PCSK6: variants seen among roughly 807,000 people sequenced by gnomAD.
The protein encoded by PCSK6 is paired basic amino acid cleaving enzyme 4.
Under a neutral mutation model 123.3 loss-of-function variants are expected in PCSK6, and 85 were observed. The observed-to-expected ratio is 0.69, with a 90% CI of 0.58 to 0.83. The LOEUF (loss-of-function observed/expected upper bound fraction) is 0.83. PCSK6 is among the 40% of genes least tolerant of loss of function. PCSK6 has a pLI of 0.00. For synonymous variants in PCSK6, 508 were observed against 516.0 expected (o/e 0.98, Z 0.21); for missense variants, 1,191 against 1,282.3 (o/e 0.93, Z 1.09).
intron 13 of PCSK6, chr15:101,365,738 C>T (rs1018808584): frequency 3.2e-5 from 5 of 154,092 alleles, no homozygotes; most frequent in African/African-American, 4.8e-5. Context: ...CGAGTAATGA[C>T]GTTTTGATGC....
intron 1 of PCSK6, among the ~76,000 whole-genome samples, chr15:101,455,874 T>C (rs2047215): frequency 0.24 from 36,740 of 152,206 alleles, 4,725 homozygotes; most frequent in South Asian, 0.33. Flanking sequence ...TATCTTGGCT[T>C]GTAAACTAAA....
At chr15:101,362,414 C>A (rs1013027829) in intron 13 of PCSK6, among the ~76,000 whole-genome samples, 2 of 152,176 alleles carry the variant, frequency 1.3e-5, no homozygotes, top group African/African-American at 4.8e-5. Flanking sequence ...GCTTTGGGCA[C>A]CACCAGCAGG....
At chr15:101,452,345 G>A (rs568083443) in intron 1 of PCSK6, among the ~76,000 whole-genome samples, 1 of 152,282 alleles carries the variant, frequency 6.6e-6, no homozygotes, top group Admixed American at 6.5e-5. Flanking sequence ...TCCTGACTTT[G>A]AAGATCTCCA....
chr15:101,315,940 G>A (rs888616476), intron 19 of PCSK6, among the ~76,000 whole-genome samples: 3 of 152,258 alleles, frequency 2.0e-5, no homozygotes, highest in Non-Finnish European at 2.9e-5. Flanking sequence ...GGGGCACTGT[G>A]AGCCAAGGGT....
In PCSK6 at chr15:101,305,577, G is replaced by A; in HGVS notation, c.2813-222C>T. ...ATAAAAATTAGCTGGGCATGGTGGTGGGCACCTGTAATCCAAGCTACTCGG... is the reference window on the plus strand; with the variant it reads ...ATAAAAATTAGCTGGGCATGGTGGTAGGCACCTGTAATCCAAGCTACTCGG... On this transcript the variant is annotated intron_variant, in intron 21 of 21. Coordinates refer to ENST00000611716, the MANE Select transcript of PCSK6 (RefSeq NM_002570.5). The surrounding 1 kb of genome is among the most constrained non-coding windows in gnomAD (Gnocchi z 4.8). 2.2e-6 allele frequency: 1 copy of A among 464,064 alleles called. No individual in the cohort carries two copies. Among genetic ancestry groups the A allele is most frequent in the Non-Finnish European group, 3.9e-6 (1 of 253,274 alleles). 28.7% of individuals were successfully genotyped at this position (464,064 alleles called of 1,614,324 possible). A position where few individuals can be genotyped will look rare whatever the true frequency, so the allele number is the denominator to read the frequency against.
intron 9 of PCSK6, among the ~76,000 whole-genome samples, chr15:101,386,724 G>A (rs1383907185): frequency 6.6e-6 from 1 of 152,318 alleles, no homozygotes; most frequent in South Asian, 2.1e-4. Flanking sequence ...ACACTTCGCT[G>A]ATCTCTTCGT....
intron 5 of PCSK6, among the ~76,000 whole-genome samples, chr15:101,428,207 G>A (rs1379908283): frequency 2.6e-5 from 4 of 151,958 alleles, no homozygotes; most frequent in African/African-American, 2.4e-5. Context: ...AAGTGCTCAC[G>A]CATGGTCACC....
At chr15:101,488,812 G>A (rs1301932564) in intron 1 of PCSK6, among the ~76,000 whole-genome samples, 1 of 151,458 alleles carries the variant, frequency 6.6e-6, no homozygotes, top group African/African-American at 2.4e-5. Flanking sequence ...CTACCCCCGG[G>A]AGCCGCGGAC....
At position 101,432,103 on chromosome 15, in the gene PCSK6, A is replaced by G. The variant is rs980069855; in HGVS notation, c.403-3T>C. 3.7e-6 allele frequency: 6 copies of G among 1,609,484 alleles called. No homozygotes were observed. The Admixed American group carries it at 8.4e-5, about 22-fold the overall frequency. On this transcript the variant is annotated splice_region_variant and splice_polypyrimidine_tract_variant and intron_variant, in intron 2 of 21. Coordinates refer to ENST00000611716, the MANE Select transcript of PCSK6 (RefSeq NM_002570.5). ...TCCTGTTGCTGGAGCCATTTCACCT[A>G]CCAGAAGAAATGCAATTACTGTTTA...
intron 11 of PCSK6, among the ~76,000 whole-genome samples, chr15:101,370,810 G>A (rs943295600): frequency 6.6e-6 from 1 of 152,252 alleles, no homozygotes; most frequent in African/African-American, 2.4e-5. Context: ...TTGGGAGGCC[G>A]AGGCACCGCC....
chr15:101,363,323 C>A (rs576509746), intron 13 of PCSK6, among the ~76,000 whole-genome samples: 8 of 152,290 alleles, frequency 5.3e-5, no homozygotes, highest in Admixed American at 1.3e-4. Context: ...ATGGTGTGCC[C>A]GGTTTCCAGG....
At chr15:101,468,155 C>T (rs28414280) in intron 1 of PCSK6, among the ~76,000 whole-genome samples, 28,367 of 152,174 alleles carry the variant, frequency 0.19, 2,783 homozygotes, top group East Asian at 0.24. Context: ...CTCTGTGCCT[C>T]AGTTTCCTCA....
At chr15:101,467,846 G>A (rs1031737290) in intron 1 of PCSK6, among the ~76,000 whole-genome samples, 2 of 152,166 alleles carry the variant, frequency 1.3e-5, no homozygotes, top group African/African-American at 2.4e-5. Context: ...CATCTACGCC[G>A]GAGATACGCA....
In PCSK6 at chr15:101,489,697, G is replaced by A. The variant is rs1231508065; in HGVS notation, c.-27C>T. 2.2e-5 allele frequency: 21 copies of A among 953,968 alleles called. No homozygotes were observed. Among genetic ancestry groups the A allele is most frequent in the Non-Finnish European group, 2.6e-5 (21 of 804,376 alleles). 59.1% of individuals were successfully genotyped at this position (953,968 alleles called of 1,614,324 possible). Reference sequence around the variant, plus strand: ...GCGGCGACAGGCTCGCGCGGCGCCCGAGCTGCGAGTGCGCCGGGGGGTGGA... The same window carrying A: ...GCGGCGACAGGCTCGCGCGGCGCCCAAGCTGCGAGTGCGCCGGGGGGTGGA... On this transcript the variant is annotated 5_prime_UTR_variant, in exon 1 of 22. Transcript: ENST00000611716.
chr15:101,341,310 G>A (rs1040404149), intron 13 of PCSK6, among the ~76,000 whole-genome samples: 2 of 147,320 alleles, frequency 1.4e-5, no homozygotes, highest in Admixed American at 6.9e-5. Flanking sequence ...GTGCAGTGGT[G>A]CAATCTCGGC....
At chr15:101,379,005 C>CA (rs200220182) in intron 11 of PCSK6, among the ~76,000 whole-genome samples, 1,659 of 152,320 alleles carry the variant, frequency 0.011, 39 homozygotes, top group African/African-American at 0.038. Flanking sequence ...CTCGGGCAGG[C>CA]GGGGCTGTGA....
rs58979969 is a variant in PCSK6 at position 101,370,637 on chromosome 15, C to T, written c.1533-114G>A. Reference sequence around the variant, plus strand: ...TCCCCACTGCAGCCTCAGGGCCCTGCGGGCCCCGGGGAGCCGCAGCAGCCT... The same window carrying T: ...TCCCCACTGCAGCCTCAGGGCCCTGTGGGCCCCGGGGAGCCGCAGCAGCCT... On this transcript the variant is annotated intron_variant, in intron 11 of 21. Coordinates refer to ENST00000611716, the MANE Select transcript of PCSK6 (RefSeq NM_002570.5). The T allele has an allele frequency of 1.4e-5, 14 of 983,296 alleles. No homozygotes were observed. The East Asian group carries it at 1.8e-4, about 13-fold the overall frequency. 60.9% of individuals were successfully genotyped at this position (983,296 alleles called of 1,614,324 possible). A position where few individuals can be genotyped will look rare whatever the true frequency, so the allele number is the denominator to read the frequency against.
At chr15:101,306,856 C>A (rs775665715) in intron 21 of PCSK6, among the ~76,000 whole-genome samples, 4 of 152,194 alleles carry the variant, frequency 2.6e-5, no homozygotes, top group Admixed American at 6.5e-5. Flanking sequence ...TGGCTTTGAC[C>A]CCCCAGGTCA....
At chr15:101,429,911 TC>T (rs1370468848) in intron 5 of PCSK6, 75 bp downstream of exon 5, 2 of 1,293,432 alleles carry the variant, frequency 1.5e-6, no homozygotes, top group Non-Finnish European at 2.2e-6. Flanking sequence ...CCTCTCCAGC[TC>T]CCTCGCACAC....
Sources: gnomAD v4.1 joint callset for allele counts (sites outside exome capture counted in the v4.1 genomes callset) on GRCh38, gnomAD v4.1.1 for gene constraint, Gnocchi (gnomAD v3.1) non-coding constraint, MANE v1.5 for transcripts, NCBI Gene and HGNC (gene_info 2026-07-23, HGNC 2026-07-21) for gene names.